The following MARCHF4 variants were observed in gnomAD, a reference collection of about 807,000 sequenced individuals.
MARCHF4 encodes E3 ubiquitin-protein ligase MARCHF4.
Under a neutral mutation model 43.9 loss-of-function variants are expected in MARCHF4, and 14 were observed. The ratio of observed to expected loss-of-function variants is 0.32; its 90% confidence interval spans 0.21 to 0.50. The LOEUF is 0.50. Among genes scored for constraint, MARCHF4 ranks in the 20% least tolerant of loss-of-function variants. The pLI is 0.98. For missense variants in MARCHF4, 468 were observed against 536.7 expected, an observed-to-expected ratio of 0.87 and a Z score of 1.27; for synonymous variants, 226 against 213.3, an observed-to-expected ratio of 1.06 and a Z score of -0.52.
intron 3 of MARCHF4, among the ~76,000 whole-genome samples, chr2:216,265,237 T>C (rs1690825926): frequency 1.3e-5 from 2 of 152,192 alleles, no homozygotes; most frequent in Admixed American, 1.3e-4. Flanking sequence ...GATTAAGTCC[T>C]TTCTGGTTTT....
At chr2:216,260,219 T>C (rs1690718673) in intron 3 of MARCHF4, among the ~76,000 whole-genome samples, 1 of 152,214 alleles carries the variant, frequency 6.6e-6, no homozygotes, top group African/African-American at 2.4e-5. Flanking sequence ...GGAAACAAGT[T>C]ACACCAGGCA....
At chr2:216,364,185 C>A (rs1009746856) in intron 1 of MARCHF4, among the ~76,000 whole-genome samples, 3 of 152,250 alleles carry the variant, frequency 2.0e-5, no homozygotes, top group Admixed American at 1.3e-4. Context: ...CAGAGCACAC[C>A]TTTGGCATTT....
In MARCHF4 at chr2:216,371,057, T is replaced by C. The variant is rs1216558575; in HGVS notation, c.-797A>G. 2.0e-5 allele frequency: 3 copies of C among 151,752 alleles called. No homozygotes were observed. The highest frequency in any genetic ancestry group is 4.4e-5 in the Non-Finnish European group (3 of 67,982). 9.4% of individuals were successfully genotyped at this position (151,752 alleles called of 1,614,324 possible). The stretch of plus-strand genomic sequence containing the variant: ...TTACACCGAAGAGGGGAAAGCCAAT[T>C]AGGAGAAGGGAGGTAAAATAGAGGT... On this transcript the variant is annotated 5_prime_UTR_variant, in exon 1 of 4. Coordinates refer to ENST00000273067, the MANE Select transcript of MARCHF4 (RefSeq NM_020814.3).
intron 1 of MARCHF4, among the ~76,000 whole-genome samples, chr2:216,319,125 C>T (rs1371255429): frequency 3.9e-5 from 6 of 152,096 alleles, no homozygotes; most frequent in African/African-American, 1.4e-4. Flanking sequence ...CTGGCCAACA[C>T]GGTGAAACCC....
At chr2:216,369,250 CCAAAGTAAAAGAA>C (rs1481198306) in intron 1 of MARCHF4, among the ~76,000 whole-genome samples, 1 of 152,088 alleles carries the variant, frequency 6.6e-6, no homozygotes, top group Non-Finnish European at 1.5e-5. Context: ...AGGAAGTTGT[CCAAAGTAAAAGAA>C]CAAGCTTACT....
At chr2:216,365,735 A>G (rs1216392953) in intron 1 of MARCHF4, among the ~76,000 whole-genome samples, 4 of 152,160 alleles carry the variant, frequency 2.6e-5, no homozygotes. Context: ...GCTTTTAAAC[A>G]TGCATCTCCT....
At chr2:216,311,753 T>C (rs1269628131) in intron 1 of MARCHF4, among the ~76,000 whole-genome samples, 1 of 152,198 alleles carries the variant, frequency 6.6e-6, no homozygotes, top group Non-Finnish European at 1.5e-5. Context: ...GTAAGGTTCT[T>C]GCATCTTCTT....
At chr2:216,369,646 T>C in intron 1 of MARCHF4, 99 bp downstream of exon 1, 3 of 995,850 alleles carry the variant, frequency 3.0e-6, no homozygotes, top group Non-Finnish European at 4.5e-6. Flanking sequence ...GTCCTCATAC[T>C]AAAGACAATA....
intron 1 of MARCHF4, among the ~76,000 whole-genome samples, chr2:216,295,174 G>C (rs1237956082): frequency 6.6e-6 from 1 of 152,188 alleles, no homozygotes; most frequent in African/African-American, 2.4e-5. Context: ...GTTTTCTCAG[G>C]GGTAAAGTAG....
In MARCHF4 at chr2:216,370,182, G is replaced by T. The variant is rs769269823; in HGVS notation, c.79C>A (p.Pro27Thr). Residue 27 changes from proline to threonine, a missense_variant, in exon 1 of 4, where the codon CCA becomes ACA. Coordinates refer to ENST00000273067, the MANE Select transcript of MARCHF4 (RefSeq NM_020814.3). ...SGWYCYGLCA[P>T]APQMLRHQGL... ...TGGTGGCGCAACATCTGGGGGGCTGGGGCACACAATCCATAGCAGTACCAG... is the reference window on the plus strand; with the variant it reads ...TGGTGGCGCAACATCTGGGGGGCTGTGGCACACAATCCATAGCAGTACCAG... 1.2e-6 allele frequency: 2 copies of T among 1,612,488 alleles called. No individual in the cohort carries two copies. Among genetic ancestry groups the T allele is most frequent in the African/African-American group, 1.3e-5 (1 of 74,908 alleles).
At chr2:216,263,493 AAGAG>A (rs150783185) in intron 3 of MARCHF4, among the ~76,000 whole-genome samples, 8 of 58,982 alleles carry the variant, frequency 1.4e-4, no homozygotes, top group Admixed American at 3.9e-4. Context: ...AGGAGAGAGA[AAGAG>A]AGAGAGAGAG....
At chr2:216,297,919 C>T (rs140307267) in intron 1 of MARCHF4, among the ~76,000 whole-genome samples, 192 of 152,370 alleles carry the variant, frequency 1.3e-3, no homozygotes, top group African/African-American at 4.2e-3. Flanking sequence ...GACACACTCT[C>T]TCAAATCCAG....
At chr2:216,330,196 A>T (rs978268591) in intron 1 of MARCHF4, among the ~76,000 whole-genome samples, 1 of 152,150 alleles carries the variant, frequency 6.6e-6, no homozygotes, top group South Asian at 2.1e-4. Flanking sequence ...TACCAGAGAG[A>T]TTAATGCTGT....
At chr2:216,346,010 T>G (rs1692314705) in intron 1 of MARCHF4, among the ~76,000 whole-genome samples, 1 of 152,178 alleles carries the variant, frequency 6.6e-6, no homozygotes, top group Non-Finnish European at 1.5e-5. Flanking sequence ...CATGAACAAG[T>G]GCTTCCTGAC....
At chr2:216,310,651 C>T (rs1262636184) in intron 1 of MARCHF4, among the ~76,000 whole-genome samples, 1 of 152,222 alleles carries the variant, frequency 6.6e-6, no homozygotes, top group Non-Finnish European at 1.5e-5. Flanking sequence ...TAAGCTTGCT[C>T]TCTGCTGCAT....
intron 1 of MARCHF4, among the ~76,000 whole-genome samples, chr2:216,325,067 C>A (rs1330053200): frequency 1.3e-5 from 2 of 152,162 alleles, no homozygotes; most frequent in Non-Finnish European, 2.9e-5. Flanking sequence ...TAGAAAACCC[C>A]ATTGTCTCAG....
At chr2:216,320,260 C>T (rs1317048862) in intron 1 of MARCHF4, among the ~76,000 whole-genome samples, 1 of 152,140 alleles carries the variant, frequency 6.6e-6, no homozygotes, top group African/African-American at 2.4e-5. Flanking sequence ...CTCTTTTTGA[C>T]CCAGTTCCTA....
intron 1 of MARCHF4, among the ~76,000 whole-genome samples, chr2:216,338,954 C>A (rs1293213092): frequency 1.3e-5 from 2 of 152,162 alleles, no homozygotes; most frequent in Admixed American, 6.5e-5. Context: ...CCAAAAGGCA[C>A]AGCAAGCAAG....
At chr2:216,360,160 T>C (rs1052135834) in intron 1 of MARCHF4, among the ~76,000 whole-genome samples, 2 of 152,216 alleles carry the variant, frequency 1.3e-5, no homozygotes, top group African/African-American at 4.8e-5. Flanking sequence ...GAGGCACTTC[T>C]TGATGTCCAC....
Sources: gnomAD v4.1 joint callset for allele counts (sites outside exome capture counted in the v4.1 genomes callset) on GRCh38, gnomAD v4.1.1 for gene constraint, MANE v1.5 for transcripts, NCBI Gene and HGNC (gene_info 2026-07-23, HGNC 2026-07-21) for gene names.